Variants in ANO10 observed in about 807,000 individuals in gnomAD.
ANO10 encodes the protein anoctamin 10.
Under a neutral mutation model 74.7 loss-of-function variants are expected in ANO10, and 77 were observed. The observed-to-expected ratio is 1.03, with a 90% CI of 0.86 to 1.25. The LOEUF (loss-of-function observed/expected upper bound fraction) is 1.25. Ranked by LOEUF, ANO10 falls within the 50% of genes most tolerant of loss-of-function variation. The probability of loss-of-function intolerance (pLI) is 0.00; values close to 1 mark genes in which losing one functional copy is unlikely to be tolerated. For synonymous variants in ANO10, 279 were observed against 284.9 expected (o/e 0.98, Z 0.21); for missense variants, 721 against 778.1 (o/e 0.93, Z 0.87).
intron 1 of ANO10, among the ~76,000 whole-genome samples, chr3:43,676,902 C>G (rs78435840): frequency 1.3e-5 from 2 of 152,110 alleles, no homozygotes; most frequent in East Asian, 3.9e-4. Context: ...TCAAGGCACA[C>G]ATCAGCCTGA....
At chr3:43,578,567 T>C (rs988392041) in intron 5 of ANO10, among the ~76,000 whole-genome samples, 1 of 152,048 alleles carries the variant, frequency 6.6e-6, no homozygotes, top group African/African-American at 2.4e-5. Context: ...CTGGCCAACA[T>C]GGGGAAACCC....
rs540452700 is a variant in ANO10, at chr3:43,658,531, G to C, written c.-12+32986C>G. Among the ~76,000 whole-genome samples, 535 of 152,058 alleles carry C rather than the reference G, an allele frequency of 3.5e-3. 1 individual carries two copies. The highest frequency in any genetic ancestry group is 4.7e-3 in the Non-Finnish European group (319 of 67,954). On this transcript the variant is annotated intron_variant, in intron 1 of 3. Coordinates refer to the ANO10 transcript ENST00000413397. Reference sequence around the variant, plus strand: ...GTTGCCCGGGCTGGAGTGCAGTGGTGCGATCTCAGCTCACTGCAACCTCTG... The same window carrying C: ...GTTGCCCGGGCTGGAGTGCAGTGGTCCGATCTCAGCTCACTGCAACCTCTG...
At chr3:43,517,705 T>G (rs185514041) in intron 11 of ANO10, among the ~76,000 whole-genome samples, 29 of 152,256 alleles carry the variant, frequency 1.9e-4, no homozygotes, top group Admixed American at 8.5e-4. Context: ...AGCTACCCAG[T>G]CTGTGTTATT....
In ANO10 at chr3:43,398,481, C is replaced by T. The variant is rs532436792; in HGVS notation, c.1915-31507G>A. On this transcript the variant is annotated intron_variant, in intron 12 of 12. Transcript: ENST00000292246. ...ATTATAGAGAATAAAGAGTGAATTT[C>T]CCTTTCACAGTCTAACCTTGGTCTC... Among the ~76,000 whole-genome samples, 78 of 152,286 alleles carry T rather than the reference C, an allele frequency of 5.1e-4. 1 individual carries two copies. The South Asian group carries it at 0.016, about 32-fold the overall frequency.
At chr3:43,583,442 A>C (rs1459329647) in intron 4 of ANO10, among the ~76,000 whole-genome samples, 7 of 152,230 alleles carry the variant, frequency 4.6e-5, no homozygotes, top group African/African-American at 1.7e-4. Context: ...TTGAACCGTG[A>C]GCCAAACAAA....
intron 12 of ANO10, among the ~76,000 whole-genome samples, chr3:43,429,521 G>A (rs2092949692): frequency 6.6e-6 from 1 of 152,086 alleles, no homozygotes; most frequent in African/African-American, 2.4e-5. Context: ...TCTACAAAAT[G>A]TCACCAGAAA....
chr3:43,484,112 T>C (rs77706902), intron 11 of ANO10, among the ~76,000 whole-genome samples: 3,591 of 152,028 alleles, frequency 0.024, 144 homozygotes, highest in African/African-American at 0.081. Context: ...TTTTGTTTGT[T>C]TGTAGAGATG....
chr3:43,519,503 C>T (rs982041218), intron 11 of ANO10, among the ~76,000 whole-genome samples: 2 of 152,192 alleles, frequency 1.3e-5, no homozygotes, highest in Non-Finnish European at 2.9e-5. Flanking sequence ...CAATGGGGCA[C>T]CGTCCAACTT....
intron 1 of ANO10, chr3:43,617,875 T>G (rs1168369300): frequency 1.3e-5 from 2 of 152,018 alleles, no homozygotes; most frequent in Non-Finnish European, 2.9e-5. Context: ...AGGAAACACT[T>G]CAGTAAGAGA....
At chr3:43,486,679 C>T (rs549102488) in intron 11 of ANO10, among the ~76,000 whole-genome samples, 143 of 147,894 alleles carry the variant, frequency 9.7e-4, no homozygotes, top group Middle Eastern at 7.2e-3. Flanking sequence ...GCTGAAGTTG[C>T]TTATCAGCTT....
intron 1 of ANO10, among the ~76,000 whole-genome samples, chr3:43,619,055 C>T (rs755880849): frequency 3.9e-5 from 6 of 152,224 alleles, no homozygotes; most frequent in Non-Finnish European, 7.3e-5. Flanking sequence ...CCGCCTGCCT[C>T]GGCCTCCCAA....
intron 1 of ANO10, among the ~76,000 whole-genome samples, chr3:43,653,222 A>G (rs2083808952): frequency 6.6e-6 from 1 of 152,186 alleles, no homozygotes; most frequent in African/African-American, 2.4e-5. Flanking sequence ...AAAGAAAAAA[A>G]AAGAAAATTA....
intron 4 of ANO10, among the ~76,000 whole-genome samples, chr3:43,597,944 C>CA (rs768516234): frequency 1.1e-4 from 17 of 151,048 alleles, no homozygotes; most frequent in East Asian, 9.8e-4. Context: ...ACAACAACAA[C>CA]AAAAAAAACA....
At chr3:43,490,628 G>T (rs578025676) in intron 11 of ANO10, among the ~76,000 whole-genome samples, 1 of 152,108 alleles carries the variant, frequency 6.6e-6, no homozygotes, top group African/African-American at 2.4e-5. Context: ...CTAAAAAGCC[G>T]GAACACACTT....
chr3:43,475,024 C>A (rs937394421), intron 11 of ANO10, among the ~76,000 whole-genome samples: 2 of 152,086 alleles, frequency 1.3e-5, no homozygotes, highest in African/African-American at 4.8e-5. Flanking sequence ...ATCTTAATAG[C>A]CAGAGAAAAC....
At chr3:43,490,460 T>A (rs2149115070) in intron 11 of ANO10, among the ~76,000 whole-genome samples, 1 of 152,280 alleles carries the variant, frequency 6.6e-6, no homozygotes, top group Middle Eastern at 3.4e-3. Flanking sequence ...TAAAACAAGG[T>A]CATATTTTAA....
At chr3:43,436,406 C>T (rs1314032124) in intron 11 of ANO10, among the ~76,000 whole-genome samples, 1 of 152,058 alleles carries the variant, frequency 6.6e-6, no homozygotes, top group African/African-American at 2.4e-5. Flanking sequence ...AATTGTGATT[C>T]TTCATCAACA....
chr3:43,555,215 T>C, intron 10 of ANO10, 63 bp downstream of exon 10: 3 of 1,539,258 alleles, frequency 1.9e-6, no homozygotes, highest in Non-Finnish European at 2.7e-6. Context: ...TAATTTTTTT[T>C]CCCTGTCATA....
chr3:43,520,297 T>C (rs770449427), intron 11 of ANO10, among the ~76,000 whole-genome samples: 1 of 152,332 alleles, frequency 6.6e-6, no homozygotes, highest in South Asian at 2.1e-4. Flanking sequence ...ATATACTTGA[T>C]AGCTTATAAA....
Sources: allele counts gnomAD v4.1 joint callset (sites outside exome capture counted in the v4.1 genomes callset), GRCh38; gene constraint gnomAD v4.1.1; transcripts MANE v1.5; gene names NCBI Gene and HGNC (gene_info 2026-07-23, HGNC 2026-07-21).